The following SEC16A variants were observed in gnomAD, a reference collection of about 807,000 sequenced individuals.
SEC16A encodes the protein protein transport protein Sec16A.
Under a neutral mutation model 221.9 loss-of-function variants are expected in SEC16A, and 110 were observed. The observed-to-expected ratio is 0.50, with a 90% CI of 0.42 to 0.58. SEC16A has a LOEUF of 0.58. Among genes scored for constraint, SEC16A ranks in the 20% least tolerant of loss-of-function variants. SEC16A has a pLI of 0.00. For synonymous variants in SEC16A, 1,393 were observed against 1,257.7 expected (o/e 1.11, Z -2.28); for missense variants, 3,165 against 3,097.8 (o/e 1.02, Z -0.52).
intron 5 of SEC16A, among the ~76,000 whole-genome samples, chr9:136,467,338 G>A (rs942981981): frequency 1.3e-5 from 2 of 152,200 alleles, no homozygotes; most frequent in African/African-American, 4.8e-5. Context: ...TTTAGAAAAG[G>A]TGCTAAAAGA....
upstream of SEC16A, chr9:136,483,127 T>G: frequency 1.8e-6 from 1 of 554,606 alleles, no homozygotes; most frequent in Non-Finnish European, 2.2e-6. Flanking sequence ...GCCCCTCGGC[T>G]CGTCGGCCCA....
In SEC16A at chr9:136,459,486, G is replaced by C. The variant is rs57905554; in HGVS notation, c.5261C>G (p.Thr1754Arg). 6.2e-7 allele frequency: 1 copy of C among 1,608,136 alleles called. No individual in the cohort carries two copies. Among genetic ancestry groups the C allele is most frequent in the Admixed American group, 1.7e-5 (1 of 59,102 alleles). The change falls in exon 16 of 32, where the codon ACG (threonine) becomes AGG (arginine). Residue 1754 changes from threonine to arginine, a missense_variant. Around this residue, in one of 3 missense-constraint regions of SEC16A, gnomAD observed 1,088 missense variants for 1,089.6 expected, o/e 1.00. Coordinates refer to ENST00000684901, the MANE Select transcript of SEC16A (RefSeq NM_014866.2). This position sits in a 1 kb window ranked among gnomAD's most constrained non-coding sequence, Gnocchi z 6.1. ...TAAGACAAGCTTTGTAGTTTTCTTC[G>C]TGTAAACACCAAATCCCGCCTGGGC... is the stretch of plus-strand genomic sequence containing the variant. ...LMAQAGFGVYTKKTTKLVLIG... is the reference protein window; with the variant it reads ...LMAQAGFGVYRKKTTKLVLIG...
In SEC16A at chr9:136,463,086, C is replaced by T. The variant is rs1157559587; in HGVS notation, c.4694G>A (p.Arg1565Lys). 1 of 1,612,174 alleles carries T rather than the reference C, an allele frequency of 6.2e-7. No individual in the cohort carries two copies. The highest frequency in any genetic ancestry group is 8.5e-7 in the Non-Finnish European group (1 of 1,179,896). The change falls in exon 12 of 32, where the codon AGA (arginine) becomes AAA (lysine). Residue 1565 changes from arginine (R) to lysine (K), a missense_variant. Arg to Lys is a conservative substitution (Grantham distance 26). Transcript: ENST00000684901. ...CGACTTCCCAGGAAGCCACACTGTT[C>T]TGTGGTCTCGTAACAGAAGCTCCGC... ...DIAELLLRDH[R>K]TVWLPGKSPN... is the part of the protein sequence containing the mutation.
intron 30 of SEC16A, among the ~76,000 whole-genome samples, chr9:136,444,291 TG>T (rs1414161762): frequency 2.0e-5 from 3 of 152,184 alleles, no homozygotes; most frequent in Non-Finnish European, 4.4e-5. Flanking sequence ...GAGCCACGGC[TG>T]CAGCTGGTGC....
At chr9:136,460,947 T>C (rs1839392523) in intron 13 of SEC16A, among the ~76,000 whole-genome samples, 1 of 152,218 alleles carries the variant, frequency 6.6e-6, no homozygotes, top group African/African-American at 2.4e-5. Context: ...ACTGAGGAAT[T>C]CACTGAGATT....
At position 136,447,052 on chromosome 9, in the gene SEC16A, C is replaced by T. The variant is rs767366312; in HGVS notation, c.6698-103G>A. 1 of 1,576,684 alleles carries T rather than the reference C, an allele frequency of 6.3e-7. No individual in the cohort carries two copies. Among genetic ancestry groups the T allele is most frequent in the Non-Finnish European group, 8.6e-7 (1 of 1,164,122 alleles). On this transcript the variant is annotated intron_variant, in intron 27 of 31. Coordinates refer to ENST00000684901, the MANE Select transcript of SEC16A (RefSeq NM_014866.2). The surrounding 1 kb of genome is among the most constrained non-coding windows in gnomAD (Gnocchi z 5.5). ...AGAGAGTTTCACACTGCACACGCGG[C>T]ACACTCATGCAGAAACAGGCAAATC...
chr9:136,466,350 C>T lies in SEC16A; in HGVS notation c.4042G>A (p.Val1348Ile), dbSNP rs766515410. The part of the protein sequence containing the change: ...PYGEEVDRRS[V>I]HSEHSARSLH... ...CTCCGTGCCGAGTGCTCGCTGTGGA[C>T]GCTGCGCCGGTCCACCTCTTCCCCA... The change falls in exon 7 of 32, where the codon GTC becomes ATC. Residue 1348 changes from valine (V) to isoleucine (I), a missense_variant. Physicochemically the swap from Val to Ile is conservative, Grantham distance 29. Coordinates refer to ENST00000684901, the MANE Select transcript of SEC16A (RefSeq NM_014866.2). This position sits in a 1 kb window ranked among gnomAD's most constrained non-coding sequence, Gnocchi z 5.5. The T allele has an allele frequency of 1.3e-5, 20 of 1,581,756 alleles. No homozygotes were observed. Among genetic ancestry groups the T allele is most frequent in the African/African-American group, 1.1e-4 (8 of 74,038 alleles).
chr9:136,455,898 G>A (rs1452824218), intron 19 of SEC16A, 105 bp from the exon 20 acceptor site: 6 of 1,271,906 alleles, frequency 4.7e-6, no homozygotes, highest in Non-Finnish European at 5.4e-6. Context: ...CAGGACAGGA[G>A]GCACTCAAAG....
intron 29 of SEC16A, among the ~76,000 whole-genome samples, chr9:136,445,428 C>G (rs1224713558): frequency 1.3e-5 from 2 of 152,200 alleles, no homozygotes; most frequent in African/African-American, 4.8e-5. Flanking sequence ...ACTGAGGCGA[C>G]AACTCAAACC....
chr9:136,470,145 C>T (rs2132660476), intron 4 of SEC16A, among the ~76,000 whole-genome samples: 1 of 152,350 alleles, frequency 6.6e-6, no homozygotes, highest in South Asian at 2.1e-4. Context: ...GACGTGTGCT[C>T]CCCAACCAAA....
chr9:136,475,732 G>A lies in SEC16A; in HGVS notation c.1884C>T (p.Arg628=), dbSNP rs761545602. The change falls in exon 3 of 32, where the codon CGC becomes CGT. Residue 628 remains arginine, a synonymous_variant. Coordinates refer to ENST00000684901, the MANE Select transcript of SEC16A (RefSeq NM_014866.2). The surrounding 1 kb of genome is among the most constrained non-coding windows in gnomAD (Gnocchi z 5.0). ...CCCTTACTTCACCAACCACGTTGGCGCGATCTGCCTCAAATGGTTTTACCC... is the reference window on the plus strand; with the variant it reads ...CCCTTACTTCACCAACCACGTTGGCACGATCTGCCTCAAATGGTTTTACCC... The part of the protein sequence containing the change: ...LVGVKPFEAD[R]ANVVGEVRET... The A allele has an allele frequency of 1.9e-5, 30 of 1,610,314 alleles. No homozygotes were observed. In the East Asian group the frequency reaches 5.8e-4, roughly 31 times the overall value.
In SEC16A at chr9:136,476,322, T is replaced by C. The variant is rs760082920; in HGVS notation, c.1294A>G (p.Ser432Gly). 2 of 1,612,648 alleles carry C rather than the reference T, an allele frequency of 1.2e-6. No individual in the cohort carries two copies. The highest frequency in any genetic ancestry group is 1.1e-5 in the South Asian group (1 of 91,068). ...SLCQALLPGP[S>G]NEAAGDVWGD... ...CACACATCACCAGCAGCCTCATTGC[T>C]GGGGCCTGGGAGAAGGGCCTGGCAG... Residue 432 changes from serine (S) to glycine (G), a missense_variant, in exon 3 of 32, where the codon AGC becomes GGC. Coordinates refer to ENST00000684901, the MANE Select transcript of SEC16A (RefSeq NM_014866.2).
chr9:136,457,636 G>T (rs560757208), intron 17 of SEC16A, 52 bp from the exon 18 acceptor site: 1 of 1,569,028 alleles, frequency 6.4e-7, no homozygotes, highest in Admixed American at 1.8e-5. Flanking sequence ...TCCGAGCATC[G>T]CCGATGGACA....
rs771708463 is a variant in SEC16A, at chr9:136,475,827, G to C, written c.1789C>G (p.Pro597Ala). 3.2e-6 allele frequency: 5 copies of C among 1,581,980 alleles called. No individual in the cohort carries two copies. Among genetic ancestry groups the C allele is most frequent in the South Asian group, 1.1e-5 (1 of 87,384 alleles). The stretch of plus-strand genomic sequence containing the variant: ...GTCTGAAATATTCCTGTAGGTTTCG[G>C]GGGGCTCGGGGTTGAGGGCTGGGAC... ...SVSQPSTPSP[P>A]KPTGIFQTSA... is the part of the protein sequence containing the mutation. The change falls in exon 3 of 32, where the codon CCG becomes GCG. Residue 597 changes from proline (P) to alanine (A), a missense_variant. Around this residue, in one of 3 missense-constraint regions of SEC16A, gnomAD observed 2,030 missense variants for 1,923.1 expected, o/e 1.06. Coordinates refer to ENST00000684901, the MANE Select transcript of SEC16A (RefSeq NM_014866.2). This position sits in a 1 kb window ranked among gnomAD's most constrained non-coding sequence, Gnocchi z 5.0.
At position 136,459,292 on chromosome 9, in the gene SEC16A, T is replaced by C. The variant is rs1003939737; in HGVS notation, c.5304-53A>G. 1.2e-4 allele frequency: 186 copies of C among 1,546,210 alleles called. No individual in the cohort carries two copies. The highest frequency in any genetic ancestry group is 8.6e-5 in the Non-Finnish European group (97 of 1,121,698). On this transcript the variant is annotated intron_variant, in intron 16 of 31. Transcript: ENST00000684901. This position sits in a 1 kb window ranked among gnomAD's most constrained non-coding sequence, Gnocchi z 6.1. The stretch of plus-strand genomic sequence containing the variant: ...TGGAAAAAATGGCCAATTATTGGCA[T>C]AGTCAACCTTGGAGCAAATCATCCA...
chr9:136,451,180 G>T, intron 23 of SEC16A, 76 bp downstream of exon 23: 1 of 1,473,396 alleles, frequency 6.8e-7, no homozygotes, highest in Non-Finnish European at 9.3e-7. Context: ...TGAATTAAGA[G>T]GATGGCGCTC....
At chr9:136,481,981 A>G (rs1842428527) in intron 1 of SEC16A, among the ~76,000 whole-genome samples, 1 of 152,178 alleles carries the variant, frequency 6.6e-6, no homozygotes, top group Non-Finnish European at 1.5e-5. Context: ...TGGATTTGGC[A>G]AAAAAAGACA....
In SEC16A at chr9:136,466,628, T is replaced by C. The variant is rs1402156682; in HGVS notation, c.3930-166A>G. Among the ~76,000 whole-genome samples, 1 of 152,154 alleles carries C rather than the reference T, an allele frequency of 6.6e-6. No homozygotes were observed. The highest frequency in any genetic ancestry group is 2.4e-5 in the African/African-American group (1 of 41,430). Reference sequence around the variant, plus strand: ...CTGACGTGCAACGTTAGAGAAGTACTGCGAATGCGTCTCCAGTGTGGTCAC... The same window carrying C: ...CTGACGTGCAACGTTAGAGAAGTACCGCGAATGCGTCTCCAGTGTGGTCAC... On this transcript the variant is annotated intron_variant, in intron 6 of 31. Transcript: ENST00000684901. This position sits in a 1 kb window ranked among gnomAD's most constrained non-coding sequence, Gnocchi z 5.5.
chr9:136,464,628 T>C, intron 8 of SEC16A, 66 bp from the exon 9 acceptor site: 1 of 1,393,194 alleles, frequency 7.2e-7, no homozygotes, highest in Non-Finnish European at 1.0e-6. Flanking sequence ...GCCTAGATTT[T>C]CAATGTGCTC....
Sources: gnomAD v4.1 joint callset for allele counts (sites outside exome capture counted in the v4.1 genomes callset) on GRCh38, gnomAD v4.1.1 for gene constraint, gnomAD v4.1.1 regional missense constraint, Gnocchi (gnomAD v3.1) non-coding constraint, MANE v1.5 for transcripts, NCBI Gene and HGNC (gene_info 2026-07-23, HGNC 2026-07-21) for gene names.